The following NRXN1 variants were observed in gnomAD, a reference collection of about 807,000 sequenced individuals.
NRXN1 encodes the protein neurexin 1, also known as neurexin-1.
A neutral mutation model predicts 150.9 loss-of-function variants in NRXN1; 39 were observed. The ratio of observed to expected loss-of-function variants is 0.26; its 90% CI spans 0.20 to 0.34. NRXN1 has a LOEUF of 0.34. Among genes scored for constraint, NRXN1 ranks in the 10% least tolerant of loss-of-function variants. The probability of loss-of-function intolerance (pLI) is 1.00; values close to 1 mark genes in which losing one functional copy is unlikely to be tolerated. For missense variants in NRXN1, 1,815 were observed against 1,949.9 expected (o/e 0.93, Z 1.30); for synonymous variants, 924 against 757.0 (o/e 1.22, Z -3.62).
intron 14 of NRXN1, among the ~76,000 whole-genome samples, chr2:50,496,380 G>C (rs374909888): frequency 6.6e-6 from 1 of 152,054 alleles, no homozygotes; most frequent in East Asian, 1.9e-4. Flanking sequence ...CTTTCACCAC[G>C]CGCTCCCTGT....
At chr2:50,490,789 C>T (rs924847936) in intron 15 of NRXN1, among the ~76,000 whole-genome samples, 10 of 152,106 alleles carry the variant, frequency 6.6e-5, no homozygotes, top group African/African-American at 2.4e-4. Context: ...GAGGATGGCT[C>T]TTGAGATCCC....
intron 5 of NRXN1, among the ~76,000 whole-genome samples, chr2:50,818,916 A>G (rs1448485861): frequency 1.3e-5 from 2 of 152,150 alleles, no homozygotes; most frequent in African/African-American, 4.8e-5. Context: ...AAGATGATCA[A>G]TATCAGTAAT....
At chr2:50,308,554 A>G (rs1192721803) in intron 17 of NRXN1, among the ~76,000 whole-genome samples, 4 of 151,620 alleles carry the variant, frequency 2.6e-5, no homozygotes, top group Non-Finnish European at 5.9e-5. Context: ...GAGTCTTGCT[A>G]TGTTGCCCAG....
intron 5 of NRXN1, among the ~76,000 whole-genome samples, chr2:50,625,903 TC>T (rs781516687): frequency 1.3e-5 from 2 of 152,018 alleles, no homozygotes; most frequent in Non-Finnish European, 2.9e-5. Flanking sequence ...TGATAAATCA[TC>T]TAAAACAAAC....
chr2:50,020,532 T>G (rs1461983162), intron 21 of NRXN1, among the ~76,000 whole-genome samples: 1 of 152,220 alleles, frequency 6.6e-6, no homozygotes, highest in Admixed American at 6.5e-5. Flanking sequence ...TCTGAAGAAT[T>G]AAATGTAATT....
intron 5 of NRXN1, among the ~76,000 whole-genome samples, chr2:50,857,179 G>A (rs187331791): frequency 4.6e-5 from 7 of 152,156 alleles, no homozygotes; most frequent in South Asian, 4.1e-4. Flanking sequence ...CATTTACTTC[G>A]GGGTAAAGTT....
chr2:50,865,983 C>T (rs995836259), intron 5 of NRXN1, among the ~76,000 whole-genome samples: 3 of 151,628 alleles, frequency 2.0e-5, no homozygotes, highest in Non-Finnish European at 4.4e-5. Context: ...AAAACGAACT[C>T]CAAACCAATT....
intron 5 of NRXN1, among the ~76,000 whole-genome samples, chr2:50,810,247 C>T (rs961830352): frequency 4.6e-5 from 7 of 152,130 alleles, no homozygotes; most frequent in East Asian, 1.9e-4. Context: ...CTCTCAGCCA[C>T]GAACTACCAT....
At chr2:50,102,782 T>C (rs894468891) in intron 18 of NRXN1, among the ~76,000 whole-genome samples, 2 of 152,056 alleles carry the variant, frequency 1.3e-5, no homozygotes, top group Non-Finnish European at 2.9e-5. Context: ...AGGGAGGGAT[T>C]GTACAAAGAC....
chr2:50,105,065 G>C (rs1701454939), intron 18 of NRXN1, among the ~76,000 whole-genome samples: 1 of 151,926 alleles, frequency 6.6e-6, no homozygotes, highest in Admixed American at 6.6e-5. Context: ...AGGTCTATCT[G>C]GTTCCAAACT....
chr2:50,060,657 G>A (rs1694385213), intron 19 of NRXN1, among the ~76,000 whole-genome samples: 1 of 152,146 alleles, frequency 6.6e-6, no homozygotes, highest in South Asian at 2.1e-4. Context: ...CCAGTGGGAG[G>A]TAATTGAATC....
At chr2:50,564,086 A>G (rs944264343) in intron 8 of NRXN1, among the ~76,000 whole-genome samples, 1 of 152,258 alleles carries the variant, frequency 6.6e-6, no homozygotes, top group Non-Finnish European at 1.5e-5. Flanking sequence ...ATTTACATAT[A>G]TTCAAACAGT....
At chr2:50,905,692 G>A (rs1344051534) in intron 5 of NRXN1, among the ~76,000 whole-genome samples, 1 of 151,872 alleles carries the variant, frequency 6.6e-6, no homozygotes, top group African/African-American at 2.4e-5. Context: ...ACTTATCCAA[G>A]CACTTTTTTT....
At chr2:50,904,096 C>T (rs1330310830) in intron 5 of NRXN1, among the ~76,000 whole-genome samples, 2 of 152,066 alleles carry the variant, frequency 1.3e-5, no homozygotes, top group Non-Finnish European at 2.9e-5. Context: ...AGGTCCCTCC[C>T]CAGAACCCTT....
intron 17 of NRXN1, among the ~76,000 whole-genome samples, chr2:50,353,247 C>T (rs2078553297): frequency 6.6e-6 from 1 of 152,066 alleles, no homozygotes; most frequent in South Asian, 2.1e-4. Context: ...TGCTTAAGTA[C>T]CAAGTCAGGG....
intron 2 of NRXN1, among the ~76,000 whole-genome samples, chr2:50,929,239 T>C (rs906251279): frequency 3.3e-5 from 5 of 151,936 alleles, no homozygotes; most frequent in Non-Finnish European, 7.4e-5. Flanking sequence ...GGAAAACAAA[T>C]GAATACAAAA....
intron 5 of NRXN1, among the ~76,000 whole-genome samples, chr2:50,782,013 T>C (rs188015682): frequency 9.3e-4 from 141 of 152,298 alleles, no homozygotes; most frequent in African/African-American, 3.3e-3. Flanking sequence ...AAATAAGTCA[T>C]TCAGTTGATA....
chr2:49,988,303 C>CTATTCTATCA (rs1412903201), intron 21 of NRXN1, among the ~76,000 whole-genome samples: 2 of 150,746 alleles, frequency 1.3e-5, no homozygotes, highest in East Asian at 3.9e-4. Context: ...ATTATTCTGA[C>CTATTCTATCA]TATTCTATCA....
intron 15 of NRXN1, among the ~76,000 whole-genome samples, chr2:50,487,668 G>A (rs553691228): frequency 2.0e-5 from 3 of 152,182 alleles, no homozygotes; most frequent in South Asian, 4.1e-4. Context: ...TACCCGGGAT[G>A]GAAGCTGGCT....
Sources: gnomAD v4.1 joint callset for allele counts (sites outside exome capture counted in the v4.1 genomes callset) on GRCh38, gnomAD v4.1.1 for gene constraint, MANE v1.5 for transcripts, NCBI Gene and HGNC (gene_info 2026-07-23, HGNC 2026-07-21) for gene names.